The following PCDHA2 variants were observed in gnomAD, a reference collection of about 807,000 sequenced individuals.
The protein encoded by PCDHA2 is protocadherin alpha 2.
In PCDHA2, 58 loss-of-function variants were observed where a neutral mutation model predicts 66.0. The observed-to-expected ratio is 0.88, with a 90% CI of 0.71 to 1.09. PCDHA2 has a LOEUF of 1.09. Among genes scored for constraint, PCDHA2 ranks in the 50% least tolerant of loss-of-function variants. PCDHA2 has a pLI of 0.00. For missense variants in PCDHA2, 1,267 were observed against 1,242.3 expected (o/e 1.02, Z -0.30); for synonymous variants, 634 against 554.0 (o/e 1.14, Z -2.03).
rs782029064 is a variant in PCDHA2, at chr5:140,796,421, A to G, written c.1457A>G (p.Glu486Gly). Residue 486 changes from glutamate to glycine, a missense_variant, in exon 1 of 4, where the codon GAG (glutamate) becomes GGG (glycine). Transcript: ENST00000526136. The stretch of plus-strand genomic sequence containing the variant: ...TCAGCGTGGGATGCGGACGCGCAGG[A>G]GAACGCGCTGGTGTCCTACTCGCTG... ...TVSAWDADAQ[E>G]NALVSYSLVE... 68 of 1,613,678 alleles carry G rather than the reference A, an allele frequency of 4.2e-5. No individual in the cohort carries two copies. Among genetic ancestry groups the G allele is most frequent in the South Asian group, 3.5e-4 (32 of 91,072 alleles).
At chr5:140,797,419 A>C (rs1292143870) in intron 1 of PCDHA2, 67 bp downstream of exon 1, 1 of 1,494,770 alleles carries the variant, frequency 6.7e-7, no homozygotes, top group African/African-American at 1.4e-5. Context: ...TATGATTTCT[A>C]CTAGTTATTT....
chr5:140,900,309 C>T (rs1183008231), intron 1 of PCDHA2, among the ~76,000 whole-genome samples: 1 of 151,686 alleles, frequency 6.6e-6, no homozygotes, highest in Non-Finnish European at 1.5e-5. Context: ...GACAGTCTCA[C>T]TTTTGTCGCC....
At chr5:140,802,172 A>G (rs1554121920) in intron 1 of PCDHA2, 2 of 1,614,260 alleles carry the variant, frequency 1.2e-6, no homozygotes, top group East Asian at 4.5e-5. Context: ...CCACGGATAA[A>G]GGAAATCCCC....
intron 1 of PCDHA2, chr5:140,828,723 T>G (rs1554131483): frequency 7.4e-6 from 12 of 1,614,088 alleles, no homozygotes; most frequent in Admixed American, 1.7e-5. Flanking sequence ...CACAACTTAT[T>G]CCTGACAGCC....
At position 141,010,692 on chromosome 5, in the gene PCDHA2, G is replaced by A. The variant is rs1415098319; in HGVS notation, c.*755G>A. The A allele has an allele frequency of 1.9e-5, 3 of 159,998 alleles. No homozygotes were observed. The highest frequency in any genetic ancestry group is 7.2e-5 in the African/African-American group (3 of 41,584). 9.9% of individuals were successfully genotyped at this position (159,998 alleles called of 1,614,324 possible). On this transcript the variant is annotated 3_prime_UTR_variant, in exon 4 of 4. Coordinates refer to ENST00000526136, the MANE Select transcript of PCDHA2 (RefSeq NM_018905.3). ...TGGGAAACAGAAGCAGATCTGATGT[G>A]TTTCCTATACATGTCCTGTGCTCAC...
chr5:140,995,930 A>G (rs186484511), intron 3 of PCDHA2, among the ~76,000 whole-genome samples: 1 of 152,342 alleles, frequency 6.6e-6, no homozygotes, highest in Admixed American at 6.5e-5. Context: ...TGTTGTAAGT[A>G]TTAAATGACA....
chr5:140,862,343 A>G (rs1347322739), intron 1 of PCDHA2: 1 of 331,934 alleles, frequency 3.0e-6, no homozygotes, highest in Non-Finnish European at 5.9e-6. Flanking sequence ...CCCTAACTTC[A>G]GTGCCAAGGG....
intron 1 of PCDHA2, chr5:140,929,315 T>C: frequency 6.4e-7 from 1 of 1,559,382 alleles, no homozygotes; most frequent in African/African-American, 1.4e-5. Context: ...CACGCTAATG[T>C]CAATGCCATG....
At chr5:140,823,014 C>T (rs1767511912) in intron 1 of PCDHA2, 13 of 1,614,242 alleles carry the variant, frequency 8.1e-6, no homozygotes, top group Non-Finnish European at 1.1e-5. Context: ...GCGCCCTGGA[C>T]CGCGAGAGCG....
chr5:141,003,425 C>A (rs1344914063), intron 3 of PCDHA2, among the ~76,000 whole-genome samples: 1 of 152,138 alleles, frequency 6.6e-6, no homozygotes, highest in Non-Finnish European at 1.5e-5. Context: ...GATTCTTATG[C>A]CTCAGCCTCC....
chr5:140,835,862 G>A, intron 1 of PCDHA2: 1 of 1,612,116 alleles, frequency 6.2e-7, no homozygotes, highest in Non-Finnish European at 8.5e-7. Context: ...TGTCCTACTC[G>A]CTGGTGGAGC....
In PCDHA2 at chr5:140,967,564, A is replaced by G. The variant is rs1554229677; in HGVS notation, c.2389-11385A>G. Reference sequence around the variant, plus strand: ...ACCAGTCCACTTATCGCGTCCAGCTACGGGAGGACTCACCCCCAGGCACAT... The same window carrying G: ...ACCAGTCCACTTATCGCGTCCAGCTGCGGGAGGACTCACCCCCAGGCACAT... On this transcript the variant is annotated intron_variant, in intron 1 of 3. Coordinates refer to ENST00000526136, the MANE Select transcript of PCDHA2 (RefSeq NM_018905.3). 10 of 1,614,070 alleles carry G rather than the reference A, an allele frequency of 6.2e-6. No individual in the cohort carries two copies. The Middle Eastern group carries it at 4.9e-4, about 80-fold the overall frequency.
At chr5:140,939,011 CT>C (rs1302482579) in intron 1 of PCDHA2, among the ~76,000 whole-genome samples, 3 of 152,262 alleles carry the variant, frequency 2.0e-5, no homozygotes, top group South Asian at 2.1e-4. Flanking sequence ...AGAAGTGTTA[CT>C]TTTCTTTTAC....
chr5:140,908,967 G>C (rs1039870615), intron 1 of PCDHA2, among the ~76,000 whole-genome samples: 4 of 152,076 alleles, frequency 2.6e-5, no homozygotes, highest in Non-Finnish European at 5.9e-5. Context: ...ATCTTGATAG[G>C]CCCCACTCCA....
At chr5:140,806,343 G>T (rs1763720284) in intron 1 of PCDHA2, among the ~76,000 whole-genome samples, 1 of 152,200 alleles carries the variant, frequency 6.6e-6, no homozygotes, top group Admixed American at 6.5e-5. Flanking sequence ...GAACAAGCAA[G>T]TACTTATAAA....
intron 1 of PCDHA2, among the ~76,000 whole-genome samples, chr5:140,910,668 C>G (rs2075124281): frequency 6.6e-6 from 1 of 152,172 alleles, no homozygotes; most frequent in Admixed American, 6.5e-5. Flanking sequence ...TACATTAAAC[C>G]AAGGGAGATC....
At chr5:140,830,014 C>A (rs2150179616) in intron 1 of PCDHA2, 1 of 1,613,898 alleles carries the variant, frequency 6.2e-7, no homozygotes, top group South Asian at 1.1e-5. Context: ...ACGAAGCGGA[C>A]TCTCCGCGCC....
chr5:140,935,995 C>G (rs1282709145), intron 1 of PCDHA2, among the ~76,000 whole-genome samples: 1 of 150,774 alleles, frequency 6.6e-6, no homozygotes, highest in African/African-American at 2.4e-5. Context: ...CGGGTTCAAG[C>G]GATTCTCCCA....
At chr5:140,841,904 GT>G (rs1777577070) in intron 1 of PCDHA2, 1 of 1,613,860 alleles carries the variant, frequency 6.2e-7, no homozygotes, top group East Asian at 2.2e-5. Flanking sequence ...GGTTGAGCTC[GT>G]ATTAAGAAAA....
Sources: gnomAD v4.1 joint callset for allele counts (sites outside exome capture counted in the v4.1 genomes callset) on GRCh38, gnomAD v4.1.1 for gene constraint, MANE v1.5 for transcripts, NCBI Gene and HGNC (gene_info 2026-07-23, HGNC 2026-07-21) for gene names.